Variants in PRPSAP1 observed in about 807,000 individuals in gnomAD.
PRPSAP1 encodes phosphoribosyl pyrophosphate synthetase associated protein 1, also known as phosphoribosyl pyrophosphate synthase-associated protein 1.
A neutral mutation model predicts 39.4 loss-of-function variants in PRPSAP1; 31 were observed. The observed-to-expected ratio is 0.79, with a 90% CI of 0.59 to 1.06. PRPSAP1 has a LOEUF of 1.06. PRPSAP1 is among the 50% of genes least tolerant of loss of function. The pLI, the probability that PRPSAP1 is intolerant of heterozygous loss-of-function variation, is 0.00. For synonymous variants in PRPSAP1, 212 were observed against 192.6 expected (o/e 1.10, Z -0.83); for missense variants, 430 against 511.6 (o/e 0.84, Z 1.54).
chr17:76,316,173 C>A (rs1381051277), intron 7 of PRPSAP1, among the ~76,000 whole-genome samples: 4 of 108,064 alleles, frequency 3.7e-5, no homozygotes, highest in East Asian at 2.7e-4. Flanking sequence ...GAGACTCCGT[C>A]TAAAAAAAAA....
intron 7 of PRPSAP1, chr17:76,314,156 T>C (rs2071096952): frequency 2.1e-6 from 1 of 472,448 alleles, no homozygotes; most frequent in Non-Finnish European, 3.9e-6. Flanking sequence ...TTTTATTTTA[T>C]GCAATTCCCA....
rs2071281995 is a variant in PRPSAP1 at position 76,328,754 on chromosome 17, G to A, written c.744C>T (p.Val248=). The change falls in exon 7 of 10, where the codon GTC becomes GTT. Residue 248 remains valine (V), a synonymous_variant. Transcript: ENST00000446526. The part of the protein sequence containing the change: ...MDDGRHSPPM[V]KNATVHPGLE... ...GGCCTGGGTGCACAGTAGCATTTTTGACCATAGGCGGGGAGTGACGACCAT... is the reference window on the plus strand; with the variant it reads ...GGCCTGGGTGCACAGTAGCATTTTTAACCATAGGCGGGGAGTGACGACCAT... 1 of 1,614,004 alleles carries A rather than the reference G, an allele frequency of 6.2e-7. No homozygotes were observed. The highest frequency in any genetic ancestry group is 1.7e-5 in the Admixed American group (1 of 59,982).
At chr17:76,313,606 G>A (rs766257740) in intron 8 of PRPSAP1, 16 of 522,118 alleles carry the variant, frequency 3.1e-5, no homozygotes, top group South Asian at 1.4e-4. Flanking sequence ...ATTTTCTCAC[G>A]GGAGTACTGT....
intron 7 of PRPSAP1, chr17:76,314,709 T>C (rs1327316762): frequency 6.6e-6 from 1 of 152,392 alleles, no homozygotes; most frequent in African/African-American, 2.4e-5. Context: ...ACTTGGTGTG[T>C]GTTTTATACG....
At chr17:76,328,280 G>C (rs1268129742) in intron 7 of PRPSAP1, among the ~76,000 whole-genome samples, 1 of 151,808 alleles carries the variant, frequency 6.6e-6, no homozygotes, top group Admixed American at 6.6e-5. Context: ...ATAACTCCTA[G>C]CCATTCATAC....
At chr17:76,340,707 A>G (rs765848121) in intron 3 of PRPSAP1, among the ~76,000 whole-genome samples, 4 of 152,026 alleles carry the variant, frequency 2.6e-5, no homozygotes, top group Non-Finnish European at 5.9e-5. Flanking sequence ...CCTGACCAAC[A>G]TGGAGAAACC....
At position 76,349,561 on chromosome 17, in the gene PRPSAP1, G is replaced by C. The variant is rs180964521; in HGVS notation, c.171-980C>G. Among the ~76,000 whole-genome samples the C allele has an allele frequency of 4.6e-5, 7 of 152,098 alleles. 1 individual carries two copies. In the East Asian group the frequency reaches 1.4e-3, roughly 29 times the overall value. On this transcript the variant is annotated intron_variant, in intron 1 of 9. Transcript: ENST00000446526. ...GGATCACCTGAGGTCAGGAGTTCGA[G>C]ACCAGCCTAACTAATATAATAAAAC...
intron 1 of PRPSAP1, among the ~76,000 whole-genome samples, chr17:76,349,659 G>A (rs2071546577): frequency 6.7e-6 from 1 of 150,296 alleles, no homozygotes; most frequent in African/African-American, 2.5e-5. Flanking sequence ...TACTCAGGAG[G>A]CTGAGACAGG....
chr17:76,346,329 T>C (rs1455734951), intron 2 of PRPSAP1, among the ~76,000 whole-genome samples: 1 of 152,176 alleles, frequency 6.6e-6, no homozygotes, highest in Non-Finnish European at 1.5e-5. Flanking sequence ...TTTGAGAGAC[T>C]TCCTCTCGGC....
chr17:76,327,382 C>A (rs1195779436), intron 7 of PRPSAP1, among the ~76,000 whole-genome samples: 6 of 151,266 alleles, frequency 4.0e-5, no homozygotes, highest in Non-Finnish European at 5.9e-5. Flanking sequence ...AGGCCGGGCA[C>A]GGTGGCTCAC....
At chr17:76,351,407 C>T (rs776699990) in intron 1 of PRPSAP1, among the ~76,000 whole-genome samples, 4 of 151,944 alleles carry the variant, frequency 2.6e-5, no homozygotes, top group Non-Finnish European at 4.4e-5. Flanking sequence ...CCCAGCTACT[C>T]GGAAGGCTGA....
At chr17:76,335,198 C>G (rs1261091430) in intron 3 of PRPSAP1, among the ~76,000 whole-genome samples, 2 of 152,182 alleles carry the variant, frequency 1.3e-5, no homozygotes, top group East Asian at 3.8e-4. Context: ...ATCTTCCCAT[C>G]TCAGCCTCCC....
chr17:76,345,237 T>TAAA lies in PRPSAP1; in HGVS notation c.224-503_224-501dup, dbSNP rs59693380. On this transcript the variant is annotated intron_variant, in intron 2 of 9. Coordinates refer to ENST00000446526, the MANE Select transcript of PRPSAP1 (RefSeq NM_002766.3). ...GTGACAGAGCAAGATTCCGTCTCAT[T>TAAA]AAAAAAAAAAAAAAAAAAGAGTTCT... Among the ~76,000 whole-genome samples, 26 of 62,202 alleles carry TAAA rather than the reference T, an allele frequency of 4.2e-4. 1 individual carries two copies. The highest frequency in any genetic ancestry group is 1.1e-3 in the African/African-American group (21 of 18,710). The allele number at this position is 62,202 out of a possible 152,430, so 40.8% of individuals were successfully genotyped here.
rs142572249 is a variant in PRPSAP1, at chr17:76,340,749, G to C, written c.290+3922C>G. ...CTACTAAAAATACAAAATTAGCCGG[G>C]CGTAGTGGCACATGCCTGTAGTCCC... On this transcript the variant is annotated intron_variant, in intron 3 of 9. Transcript: ENST00000446526. Among the ~76,000 whole-genome samples the C allele has an allele frequency of 8.0e-3, 1,224 of 152,144 alleles. 16 individuals carry two copies. Among genetic ancestry groups the C allele is most frequent in the African/African-American group, 0.028 (1,172 of 41,512 alleles).
At chr17:76,319,625 T>C (rs529202902) in intron 7 of PRPSAP1, among the ~76,000 whole-genome samples, 35 of 151,984 alleles carry the variant, frequency 2.3e-4, no homozygotes, top group South Asian at 8.3e-4. Flanking sequence ...CCCGCCACCA[T>C]GCTCGGCTAA....
chr17:76,316,740 A>G (rs1300995403), intron 7 of PRPSAP1, among the ~76,000 whole-genome samples: 1 of 152,232 alleles, frequency 6.6e-6, no homozygotes, highest in Non-Finnish European at 1.5e-5. Flanking sequence ...CATCAGCTGC[A>G]GTGAAAATGT....
At chr17:76,332,544 T>A in intron 3 of PRPSAP1, 109 bp from the exon 4 acceptor site, 1 of 1,263,526 alleles carries the variant, frequency 7.9e-7, no homozygotes, top group Non-Finnish European at 1.1e-6. Flanking sequence ...GTTGTGGGAA[T>A]TTTACCATCA....
intron 3 of PRPSAP1, among the ~76,000 whole-genome samples, chr17:76,334,931 A>AG (rs890043333): frequency 1.7e-4 from 26 of 152,138 alleles, no homozygotes; most frequent in African/African-American, 6.3e-4. Context: ...ACACATATTT[A>AG]GGGGGCAACT....
chr17:76,340,145 CAAA>C (rs71161288), intron 3 of PRPSAP1, among the ~76,000 whole-genome samples: 15 of 77,768 alleles, frequency 1.9e-4, no homozygotes, highest in Non-Finnish European at 1.7e-4. Context: ...GGCCTTGTCT[CAAA>C]AAAAAAAAAA....
Sources: gnomAD v4.1 joint callset for allele counts (sites outside exome capture counted in the v4.1 genomes callset) on GRCh38, gnomAD v4.1.1 for gene constraint, MANE v1.5 for transcripts, NCBI Gene and HGNC (gene_info 2026-07-23, HGNC 2026-07-21) for gene names.